The following SH3RF1 variants were observed in gnomAD, a reference collection of about 807,000 sequenced individuals.
SH3RF1 encodes SH3 domain containing ring finger 1.
SH3RF1 carries 32 observed loss-of-function variants against 74.0 expected under a neutral mutation model. The ratio of observed to expected loss-of-function variants is 0.43; its 90% CI spans 0.33 to 0.58. The LOEUF (loss-of-function observed/expected upper bound fraction) is 0.58. Ranked by LOEUF, SH3RF1 falls within the 20% of genes least tolerant of loss-of-function variation. The pLI, the probability that SH3RF1 is intolerant of heterozygous loss-of-function variation, is 0.05. For missense variants in SH3RF1, 954 were observed against 1,130.9 expected, an observed-to-expected ratio of 0.84 and a Z score of 2.24; for synonymous variants, 396 against 439.6, an observed-to-expected ratio of 0.90 and a Z score of 1.24.
At chr4:169,154,914 T>C (rs555882524) in intron 4 of SH3RF1, among the ~76,000 whole-genome samples, 2 of 152,288 alleles carry the variant, frequency 1.3e-5, no homozygotes, top group African/African-American at 4.8e-5. Context: ...ACATACTCTC[T>C]AAAAAGACTT....
intron 7 of SH3RF1, among the ~76,000 whole-genome samples, chr4:169,121,648 T>C (rs1733437313): frequency 6.6e-6 from 1 of 152,138 alleles, no homozygotes; most frequent in African/African-American, 2.4e-5. Flanking sequence ...TGTATAAAAT[T>C]ACACAATGCA....
intron 2 of SH3RF1, among the ~76,000 whole-genome samples, chr4:169,164,226 G>T (rs559183279): frequency 6.6e-6 from 1 of 152,282 alleles, no homozygotes; most frequent in African/African-American, 2.4e-5. Context: ...TTTGTATCAT[G>T]AGTACCTACC....
At chr4:169,260,012 A>G (rs1434427584) in intron 2 of SH3RF1, among the ~76,000 whole-genome samples, 2 of 152,222 alleles carry the variant, frequency 1.3e-5, no homozygotes, top group Non-Finnish European at 2.9e-5. Context: ...TAAGCAATAT[A>G]CTAGAGAGGG....
At chr4:169,236,513 T>C (rs1001250474) in intron 2 of SH3RF1, among the ~76,000 whole-genome samples, 5 of 152,254 alleles carry the variant, frequency 3.3e-5, no homozygotes, top group Non-Finnish European at 7.3e-5. Context: ...TCGTTACTTA[T>C]TAGTTGGTGT....
intron 4 of SH3RF1, among the ~76,000 whole-genome samples, chr4:169,143,270 G>C (rs1733815240): frequency 6.6e-6 from 1 of 151,882 alleles, no homozygotes; most frequent in African/African-American, 2.4e-5. Flanking sequence ...ATTTTATTTA[G>C]CCCAATGTAT....
chr4:169,105,606 G>A (rs1733119739), intron 11 of SH3RF1, among the ~76,000 whole-genome samples: 1 of 152,338 alleles, frequency 6.6e-6, no homozygotes, highest in South Asian at 2.1e-4. Flanking sequence ...GAAGAAGAGA[G>A]TTCTTCGCTA....
intron 2 of SH3RF1, among the ~76,000 whole-genome samples, chr4:169,176,140 T>A (rs1734417930): frequency 6.6e-6 from 1 of 152,180 alleles, no homozygotes; most frequent in Admixed American, 6.5e-5. Context: ...CTTTCCAGCG[T>A]CCAGAACTGT....
At chr4:169,212,200 G>C (rs1228747699) in intron 2 of SH3RF1, among the ~76,000 whole-genome samples, 7 of 151,364 alleles carry the variant, frequency 4.6e-5, no homozygotes, top group Non-Finnish European at 8.8e-5. Context: ...AAGTAGCTGG[G>C]ATTACAAGCA....
rs577821387 is a variant in SH3RF1 at position 169,250,110 on chromosome 4, A to C, written c.393+18710T>G. 6.6e-5 allele frequency among the ~76,000 whole-genome samples: 10 copies of C among 152,360 alleles called. No individual in the cohort carries two copies. The East Asian group carries it at 1.9e-3, about 29-fold the overall frequency. On this transcript the variant is annotated intron_variant, in intron 2 of 11. Coordinates refer to ENST00000284637, the MANE Select transcript of SH3RF1 (RefSeq NM_020870.4). ...AAAAAACAATGTCACTTCTCTTCCT[A>C]AGAATATGTTAAGCATAGAAATTTG...
At chr4:169,126,788 T>C (rs1733532304) in intron 6 of SH3RF1, among the ~76,000 whole-genome samples, 2 of 151,976 alleles carry the variant, frequency 1.3e-5, no homozygotes, top group Admixed American at 1.3e-4. Flanking sequence ...ACAGGGTCTT[T>C]CTATGTTGCC....
intron 2 of SH3RF1, among the ~76,000 whole-genome samples, chr4:169,197,984 GA>G (rs937036205): frequency 1.3e-5 from 2 of 152,128 alleles, no homozygotes; most frequent in African/African-American, 4.8e-5. Flanking sequence ...AATACAAAGT[GA>G]CCCCTCAAAA....
At chr4:169,249,002 C>G (rs896366342) in intron 2 of SH3RF1, among the ~76,000 whole-genome samples, 2 of 152,118 alleles carry the variant, frequency 1.3e-5, no homozygotes, top group Admixed American at 6.5e-5. Context: ...CCGAGGTGGG[C>G]AGATCACGAG....
chr4:169,154,882 A>G (rs951623150), intron 4 of SH3RF1, among the ~76,000 whole-genome samples: 2 of 152,204 alleles, frequency 1.3e-5, no homozygotes, highest in African/African-American at 4.8e-5. Flanking sequence ...TATTCTTTAA[A>G]GTAATACAAC....
intron 2 of SH3RF1, among the ~76,000 whole-genome samples, chr4:169,235,846 A>G (rs1243619824): frequency 6.6e-6 from 1 of 151,864 alleles, no homozygotes; most frequent in Non-Finnish European, 1.5e-5. Context: ...AGGACTGGCT[A>G]CTTTTTGTGT....
chr4:169,233,035 G>C (rs1292909931), intron 2 of SH3RF1, among the ~76,000 whole-genome samples: 2 of 152,116 alleles, frequency 1.3e-5, no homozygotes, highest in African/African-American at 4.8e-5. Flanking sequence ...GATCACCTAA[G>C]GTTAGGAGTT....
intron 2 of SH3RF1, among the ~76,000 whole-genome samples, chr4:169,231,672 G>A (rs545506592): frequency 7.2e-4 from 109 of 152,102 alleles, no homozygotes; most frequent in African/African-American, 2.5e-3. Flanking sequence ...AGCTGCTATA[G>A]AATACTCACT....
chr4:169,192,475 A>G (rs1281059437), intron 2 of SH3RF1, among the ~76,000 whole-genome samples: 1 of 152,150 alleles, frequency 6.6e-6, no homozygotes, highest in East Asian at 1.9e-4. Context: ...CAATCAAAAA[A>G]TCAAAAAATA....
intron 4 of SH3RF1, among the ~76,000 whole-genome samples, chr4:169,148,559 A>G (rs192732292): frequency 1.4e-4 from 21 of 152,378 alleles, no homozygotes; most frequent in African/African-American, 4.3e-4. Flanking sequence ...ATTATATTGT[A>G]GAAATAAAAT....
intron 2 of SH3RF1, among the ~76,000 whole-genome samples, chr4:169,264,825 G>A (rs1731328371): frequency 6.6e-6 from 1 of 152,136 alleles, no homozygotes; most frequent in African/African-American, 2.4e-5. Flanking sequence ...CACCATCCCT[G>A]TGGCTTGCCT....
Sources: gnomAD v4.1 joint callset for allele counts (sites outside exome capture counted in the v4.1 genomes callset) on GRCh38, gnomAD v4.1.1 for gene constraint, MANE v1.5 for transcripts, NCBI Gene and HGNC (gene_info 2026-07-23, HGNC 2026-07-21) for gene names.